Variants in CIP2A observed in about 807,000 individuals in gnomAD.
CIP2A encodes protein CIP2A.
In CIP2A, 103 loss-of-function variants were observed where a neutral mutation model predicts 110.9. The observed-to-expected ratio is 0.93, with a 90% CI of 0.79 to 1.09. The LOEUF (loss-of-function observed/expected upper bound fraction) is 1.09. Among genes scored for constraint, CIP2A ranks in the 50% least tolerant of loss-of-function variants. CIP2A has a pLI of 0.00. For synonymous variants in CIP2A, 381 were observed against 361.6 expected (o/e 1.05, Z -0.61); for missense variants, 1,088 against 1,038.4 (o/e 1.05, Z -0.66).
Position 108,568,214 on chromosome 3 carries a change from TC to T in CIP2A, c.1213del (p.Asp405MetfsTer4), listed in dbSNP as rs1938252225. The T allele has an allele frequency of 1.2e-6, 2 of 1,612,464 alleles. No homozygotes were observed. Among genetic ancestry groups the T allele is most frequent in the Non-Finnish European group, 1.7e-6 (2 of 1,178,896 alleles). On this transcript the variant is annotated frameshift_variant, in exon 10 of 21. Transcript: ENST00000295746. LOFTEE classifies it high-confidence loss of function. ...ACATTTTTTTCTTGTTAAAGCCTCATCTAGATTTTGTTCTGTGAACTGAAGT... is the reference window on the plus strand; with the variant it reads ...ACATTTTTTTCTTGTTAAAGCCTCATTAGATTTTGTTCTGTGAACTGAAGT... Reference protein sequence around the residue: ...DQLQFTEQNLDEALTRKKCER... With the variant: ...DQLQFTEQNLXEALTRKKCER...
chr3:108,562,673 T>A (rs1330542094), intron 13 of CIP2A, among the ~76,000 whole-genome samples: 1 of 150,504 alleles, frequency 6.6e-6, no homozygotes, highest in African/African-American at 2.5e-5. Context: ...AAAGTTCAGA[T>A]TTTTTTCTTT....
In CIP2A at chr3:108,577,194, G is replaced by C. The variant is rs572503557; in HGVS notation, c.819-848C>G. ...AAAAACAAAATGTGTGAAGAAATAA[G>C]GTTGAGAGGTTGTTAGGGATCAGAT... On this transcript the variant is annotated intron_variant, in intron 7 of 20. Coordinates refer to ENST00000295746, the MANE Select transcript of CIP2A (RefSeq NM_020890.3). Among the ~76,000 whole-genome samples the C allele has an allele frequency of 1.5e-3, 233 of 152,264 alleles. 1 individual carries two copies. The highest frequency in any genetic ancestry group is 2.6e-3 in the Non-Finnish European group (179 of 68,024).
chr3:108,564,472 G>C (rs1938114045), intron 12 of CIP2A, among the ~76,000 whole-genome samples: 1 of 151,868 alleles, frequency 6.6e-6, no homozygotes, highest in South Asian at 2.1e-4. Flanking sequence ...GTTTTTAAGA[G>C]GCTAATATTT....
intron 5 of CIP2A, among the ~76,000 whole-genome samples, chr3:108,581,020 G>C (rs192437154): frequency 6.6e-6 from 1 of 152,318 alleles, no homozygotes; most frequent in East Asian, 1.9e-4. Context: ...CTTAACTCAT[G>C]AATCTTTCTG....
intron 13 of CIP2A, 82 bp downstream of exon 13, chr3:108,563,044 G>T: frequency 1.3e-6 from 1 of 767,780 alleles, no homozygotes; most frequent in Non-Finnish European, 2.2e-6. Context: ...TAATTTGCTT[G>T]TGTATCTATA....
In CIP2A at chr3:108,551,949, T is replaced by A. The variant is rs562814356; in HGVS notation, c.2547+285A>T. Among the ~76,000 whole-genome samples the A allele has an allele frequency of 1.3e-3, 200 of 152,304 alleles. 1 individual carries two copies. In the Middle Eastern group the frequency reaches 0.014, roughly 10 times the overall value. ...ATAATATTTGTTAAAGTGAAAATTA[T>A]ACAGCTACCTATATATGACATCAAG... On this transcript the variant is annotated intron_variant, in intron 20 of 20. Coordinates refer to ENST00000295746, the MANE Select transcript of CIP2A (RefSeq NM_020890.3).
At chr3:108,571,815 G>A (rs1938410083) in intron 8 of CIP2A, among the ~76,000 whole-genome samples, 1 of 152,096 alleles carries the variant, frequency 6.6e-6, no homozygotes, top group African/African-American at 2.4e-5. Context: ...CATATGCCCA[G>A]TATTAATAGA....
intron 16 of CIP2A, among the ~76,000 whole-genome samples, chr3:108,558,065 T>C (rs1937873273): frequency 6.6e-6 from 1 of 152,150 alleles, no homozygotes; most frequent in South Asian, 2.1e-4. Context: ...ATAAGAACTT[T>C]TCCAGTAACA....
chr3:108,575,550 G>A (rs1303573875), intron 8 of CIP2A, among the ~76,000 whole-genome samples: 4 of 147,688 alleles, frequency 2.7e-5, no homozygotes, highest in East Asian at 2.0e-4. Context: ...TCATATACAT[G>A]TGTATATATA....
chr3:108,579,833 G>A (rs941763405), intron 5 of CIP2A, 145 bp from the exon 6 acceptor site: 6 of 436,442 alleles, frequency 1.4e-5, no homozygotes, highest in African/African-American at 1.0e-4. Context: ...AAAGATAAAT[G>A]TTCTACAGGA....
Position 108,557,295 on chromosome 3 carries a change from A to T in CIP2A, c.2133T>A (p.Phe711Leu). Residue 711 changes from phenylalanine to leucine, a missense_variant, in exon 17 of 21, where the codon TTT (phenylalanine) becomes TTA (leucine). Coordinates refer to ENST00000295746, the MANE Select transcript of CIP2A (RefSeq NM_020890.3). ...CAGACTCTAACTTCCTATTATGTTGAAAGAGATGCTCAATATCACTCTGCG... is the reference window on the plus strand; with the variant it reads ...CAGACTCTAACTTCCTATTATGTTGTAAGAGATGCTCAATATCACTCTGCG... ...ERAQSDIEHL[F>L]QHNRKLESVA... The T allele has an allele frequency of 6.2e-7, 1 of 1,611,678 alleles. No individual in the cohort carries two copies. The highest frequency in any genetic ancestry group is 8.5e-7 in the Non-Finnish European group (1 of 1,178,326).
At chr3:108,569,139 T>A (rs2107337269) in intron 9 of CIP2A, among the ~76,000 whole-genome samples, 1 of 121,146 alleles carries the variant, frequency 8.3e-6, no homozygotes, top group African/African-American at 3.1e-5. Context: ...ATCTTTTTAA[T>A]ATCTTTACTT....
chr3:108,565,145 A>G (rs1212579086), intron 12 of CIP2A, among the ~76,000 whole-genome samples: 1 of 151,938 alleles, frequency 6.6e-6, no homozygotes, highest in Non-Finnish European at 1.5e-5. Context: ...CATTAGTGTC[A>G]TGAGCACTTA....
At chr3:108,588,723 A>T (rs1939183870) in intron 1 of CIP2A, among the ~76,000 whole-genome samples, 1 of 152,246 alleles carries the variant, frequency 6.6e-6, no homozygotes, top group Non-Finnish European at 1.5e-5. Flanking sequence ...GCAATTCAGC[A>T]TTCTAAGATT....
chr3:108,567,076 C>T (rs1938214206), intron 10 of CIP2A, among the ~76,000 whole-genome samples: 1 of 151,644 alleles, frequency 6.6e-6, no homozygotes, highest in African/African-American at 2.4e-5. Context: ...ATCATGTATC[C>T]CTACTGCAGT....
At position 108,555,569 on chromosome 3, in the gene CIP2A, T is replaced by C. The variant is rs568244487; in HGVS notation, c.2211-1080A>G. 8.5e-5 allele frequency among the ~76,000 whole-genome samples: 13 copies of C among 152,230 alleles called. No homozygotes were observed. In the South Asian group the frequency reaches 1.5e-3, roughly 17 times the overall value. Reference sequence around the variant, plus strand: ...GATCCATTGACAAGTAGAGCTCAGGTAAGGAGAAAATGAAGGCTGAATTTT... The same window carrying C: ...GATCCATTGACAAGTAGAGCTCAGGCAAGGAGAAAATGAAGGCTGAATTTT... On this transcript the variant is annotated intron_variant, in intron 17 of 20. Coordinates refer to ENST00000295746, the MANE Select transcript of CIP2A (RefSeq NM_020890.3).
At chr3:108,565,493 A>C in intron 11 of CIP2A, 39 bp from the exon 12 acceptor site, 1 of 1,113,122 alleles carries the variant, frequency 9.0e-7, no homozygotes, top group Non-Finnish European at 1.3e-6. Context: ...ATAACTGAAA[A>C]ATTTCTTAGA....
Position 108,552,260 on chromosome 3 carries a change from G to T in CIP2A, c.2521C>A (p.Gln841Lys). The change falls in exon 20 of 21, where the codon CAG becomes AAG. Residue 841 changes from glutamine (Q) to lysine (K), a missense_variant. Gln to Lys is a moderately conservative substitution (Grantham distance 53). Coordinates refer to ENST00000295746, the MANE Select transcript of CIP2A (RefSeq NM_020890.3). ...ILRKELSRTE[Q>K]IRKELSIKAS... is the part of the protein sequence containing the mutation. ...TTAATGCTCAACTCTTTTCTTATCT[G>T]TTCTGTTCTGCTTAATTCTTTTCTA... 1 of 1,570,254 alleles carries T rather than the reference G, an allele frequency of 6.4e-7. No homozygotes were observed. Among genetic ancestry groups the T allele is most frequent in the Non-Finnish European group, 8.6e-7 (1 of 1,160,548 alleles).
intron 14 of CIP2A, 152 bp from the exon 15 acceptor site, chr3:108,560,180 CT>C (rs897198029): frequency 0.089 from 38,344 of 429,984 alleles, no homozygotes; most frequent in South Asian, 0.14. Context: ...ACAAATATTT[CT>C]TTTTTTTTTT....
Sources: gnomAD v4.1 joint callset for allele counts (sites outside exome capture counted in the v4.1 genomes callset) on GRCh38, gnomAD v4.1.1 for gene constraint, MANE v1.5 for transcripts, NCBI Gene and HGNC (gene_info 2026-07-23, HGNC 2026-07-21) for gene names.